The following STAG2 variants were observed in gnomAD, a reference collection of about 807,000 sequenced individuals.
STAG2 encodes cohesin subunit SA-2.
Under a neutral mutation model 108.1 loss-of-function variants are expected in STAG2, and 14 were observed. The ratio of observed to expected loss-of-function variants is 0.13; its 90% CI spans 0.09 to 0.20. The LOEUF is 0.20. Ranked by LOEUF, STAG2 falls within the 10% of genes least tolerant of loss-of-function variation. The pLI, the probability that STAG2 is intolerant of heterozygous loss-of-function variation, is 1.00. For synonymous variants in STAG2, 307 were observed against 302.7 expected, an observed-to-expected ratio of 1.01 and a Z score of -0.15; for missense variants, 440 against 940.9, an observed-to-expected ratio of 0.47 and a Z score of 6.96.
At chrX:124,048,969 T>C in intron 9 of STAG2, 36 bp from the exon 10 acceptor site, 1 of 1,123,248 alleles carries the variant, frequency 8.9e-7, no homozygotes, top group Non-Finnish European at 1.2e-6. Context: ...GTTGTCTTCC[T>C]TTACAATTGA....
chrX:124,048,907 C>T (rs2057955435), intron 9 of STAG2, 98 bp from the exon 10 acceptor site: 5 of 620,227 alleles, frequency 8.1e-6, no homozygotes, highest in African/African-American at 4.5e-5. Flanking sequence ...CCCCAAAATA[C>T]TGGGGAATTC....
intron 6 of STAG2, among the ~76,000 whole-genome samples, chrX:124,039,258 T>C (rs1309372140): frequency 1.8e-5 from 2 of 108,381 alleles, no homozygotes; most frequent in Non-Finnish European, 3.8e-5. Flanking sequence ...TGGGCTCAGG[T>C]GATCCTCCCA....
chrX:124,022,297 G>A (rs765254606), intron 2 of STAG2, among the ~76,000 whole-genome samples: 2 of 109,592 alleles, frequency 1.8e-5, no homozygotes, highest in African/African-American at 3.3e-5. Flanking sequence ...CTTGAACCTG[G>A]GAGGCAGAGG....
rs113654909 is a variant in STAG2, at chrX:124,036,658, G to A, written c.289-869G>A. On this transcript the variant is annotated intron_variant, in intron 5 of 34. Transcript: ENST00000371145. ...CTCCCAAAGTGCTGGGATTACAGGC[G>A]TGAGCTACCGCACCCAGCCTAAAAA... is the stretch of plus-strand genomic sequence containing the variant. 6.5e-3 allele frequency among the ~76,000 whole-genome samples: 724 copies of A among 111,039 alleles called. 5 individuals are homozygous for A. The highest frequency in any genetic ancestry group is 0.022 in the African/African-American group (683 of 30,521).
Position 124,030,950 on chromosome X carries a change from T to A in STAG2, c.124-11T>A, listed in dbSNP as rs1369074783. The A allele has an allele frequency of 8.4e-7, 1 of 1,187,254 alleles. No individual in the cohort carries two copies. The highest frequency in any genetic ancestry group is 1.1e-6 in the Non-Finnish European group (1 of 885,844). ...GTGATATAACTTAACCACCTCGTAT[T>A]TTTTATGCAGACTTGTAAAAAAGGC... On this transcript the variant is annotated splice_polypyrimidine_tract_variant and intron_variant, in intron 4 of 34. Transcript: ENST00000371145.
intron 27 of STAG2, among the ~76,000 whole-genome samples, chrX:124,079,271 T>G (rs1179206973): frequency 9.2e-6 from 1 of 108,665 alleles, no homozygotes; most frequent in African/African-American, 3.3e-5. Flanking sequence ...CCCAAGTAGC[T>G]GGGACTACAG....
chrX:123,996,091 C>T (rs770106022), intron 1 of STAG2, among the ~76,000 whole-genome samples: 6 of 111,927 alleles, frequency 5.4e-5, no homozygotes, highest in Admixed American at 3.8e-4. Flanking sequence ...CATACATTGC[C>T]GGTGGAAGTA....
intron 28 of STAG2, 103 bp from the exon 29 acceptor site, chrX:124,083,318 A>C (rs1348010429): frequency 1.1e-5 from 7 of 629,586 alleles, no homozygotes; most frequent in Non-Finnish European, 1.5e-5. Flanking sequence ...CTCAAATTAA[A>C]AGCTTGGCAA....
intron 1 of STAG2, among the ~76,000 whole-genome samples, chrX:124,008,963 C>G (rs865788917): frequency 1.8e-5 from 2 of 111,017 alleles, no homozygotes; most frequent in African/African-American, 6.5e-5. Context: ...ACCATTGTTA[C>G]AACAAACTGT....
At chrX:124,062,523 A>G (rs2058413316) in intron 17 of STAG2, among the ~76,000 whole-genome samples, 2 of 112,023 alleles carry the variant, frequency 1.8e-5, no homozygotes, top group Non-Finnish European at 3.8e-5. Context: ...TTTGTTACTT[A>G]TGTGTCATGT....
At chrX:123,964,984 T>A (rs1327474710) in intron 1 of STAG2, among the ~76,000 whole-genome samples, 1 of 98,591 alleles carries the variant, frequency 1.0e-5, no homozygotes, top group African/African-American at 3.9e-5. Context: ...TTTTTGGCAG[T>A]TCTATACTGT....
chrX:123,986,033 T>C (rs2055159585), intron 1 of STAG2, among the ~76,000 whole-genome samples: 1 of 106,663 alleles, frequency 9.4e-6, no homozygotes, highest in African/African-American at 3.4e-5. Context: ...AGTAGTACTC[T>C]AACCTCACAT....
intron 1 of STAG2, among the ~76,000 whole-genome samples, chrX:124,017,295 C>T (rs1436298125): frequency 1.8e-5 from 2 of 109,707 alleles, no homozygotes; most frequent in Non-Finnish European, 3.8e-5. Flanking sequence ...CTGCAACCTC[C>T]GCTTCCCGGG....
chrX:124,100,611 T>C lies in STAG2; in HGVS notation c.*14T>C. The C allele has an allele frequency of 8.5e-7, 1 of 1,177,369 alleles. No homozygotes were observed. The highest frequency in any genetic ancestry group is 1.8e-5 in the African/African-American group (1 of 56,981). Reference sequence around the variant, plus strand: ...TCAATGTTTTAATACCAGTACACAATTAAATCTGTGGTGAAGTCATTTTCT... The same window carrying C: ...TCAATGTTTTAATACCAGTACACAACTAAATCTGTGGTGAAGTCATTTTCT... On this transcript the variant is annotated 3_prime_UTR_variant, in exon 35 of 35. Coordinates refer to ENST00000371145, the MANE Select transcript of STAG2 (RefSeq NM_001042750.2).
chrX:123,973,137 C>G (rs2054447391), intron 1 of STAG2, among the ~76,000 whole-genome samples: 2 of 110,873 alleles, frequency 1.8e-5, no homozygotes, highest in Admixed American at 1.9e-4. Context: ...AAGCTGGGGT[C>G]CATGAATGGG....
chrX:123,979,418 TAGTA>T (rs1307677263), intron 1 of STAG2, among the ~76,000 whole-genome samples: 2 of 111,777 alleles, frequency 1.8e-5, no homozygotes, highest in Non-Finnish European at 3.8e-5. Context: ...GCTTGGAGTG[TAGTA>T]AGTATTTAAT....
At chrX:124,037,797 T>C (rs765132230) in intron 6 of STAG2, among the ~76,000 whole-genome samples, 174 bp downstream of exon 6, 1 of 112,775 alleles carries the variant, frequency 8.9e-6, no homozygotes, top group Non-Finnish European at 1.9e-5. Flanking sequence ...AGAGAAAGTC[T>C]ATTGACAAAG....
At chrX:124,012,500 T>C (rs2056552382) in intron 1 of STAG2, among the ~76,000 whole-genome samples, 1 of 112,082 alleles carries the variant, frequency 8.9e-6, no homozygotes, top group Non-Finnish European at 1.9e-5. Flanking sequence ...CATATTTGAT[T>C]TCTGAACTTG....
At chrX:123,998,596 A>G (rs1602744276) in intron 1 of STAG2, among the ~76,000 whole-genome samples, 1 of 79,351 alleles carries the variant, frequency 1.3e-5, no homozygotes, top group Non-Finnish European at 2.3e-5. Flanking sequence ...CCATCTATCT[A>G]TCTATCTATC....
Sources: gnomAD v4.1 joint callset for allele counts (sites outside exome capture counted in the v4.1 genomes callset) on GRCh38, gnomAD v4.1.1 for gene constraint, MANE v1.5 for transcripts, NCBI Gene and HGNC (gene_info 2026-07-23, HGNC 2026-07-21) for gene names.